Variants in PIK3CA observed in about 807,000 individuals in gnomAD.
The protein encoded by PIK3CA is phosphatidylinositol 4,5-bisphosphate 3-kinase catalytic subunit alpha isoform.
A neutral mutation model predicts 138.2 loss-of-function variants in PIK3CA; 27 were observed. The ratio of observed to expected loss-of-function variants is 0.20; its 90% CI spans 0.14 to 0.27. The LOEUF (loss-of-function observed/expected upper bound fraction) is 0.27. Among genes scored for constraint, PIK3CA ranks in the 10% least tolerant of loss-of-function variants. The pLI, the probability that PIK3CA is intolerant of heterozygous loss-of-function variation, is 1.00. For missense variants in PIK3CA, 544 were observed against 1,277.4 expected (o/e 0.43, Z 8.75); for synonymous variants, 358 against 413.2 (o/e 0.87, Z 1.62).
rs1576943264 is a variant in PIK3CA at position 179,220,011 on chromosome 3, G to A, written c.1974G>A (p.Leu658=). 6.3e-7 allele frequency: 1 copy of A among 1,599,542 alleles called. No homozygotes were observed. Reference sequence around the variant, plus strand: ...TGAGATTTTTACTGAAGAAAGCATTGACTAATCAAAGGATTGGGCACTTTT... The same window carrying A: ...TGAGATTTTTACTGAAGAAAGCATTAACTAATCAAAGGATTGGGCACTTTT... The part of the protein sequence containing the change: ...LLVRFLLKKA[L]TNQRIGHFFF... The change falls in exon 13 of 21, where the codon TTG becomes TTA. Residue 658 remains leucine (L), a synonymous_variant. Transcript: ENST00000263967. This position sits in a 1 kb window ranked among gnomAD's most constrained non-coding sequence, Gnocchi z 4.1.
At chr3:179,152,352 C>T (rs376572149) in intron 1 of PIK3CA, among the ~76,000 whole-genome samples, 6 of 152,252 alleles carry the variant, frequency 3.9e-5, no homozygotes, top group East Asian at 1.9e-4. Context: ...CATTTGGGCA[C>T]GTCTCAATCT....
intron 1 of PIK3CA, among the ~76,000 whole-genome samples, chr3:179,150,651 T>G (rs1722993057): frequency 6.6e-6 from 1 of 152,228 alleles, no homozygotes; most frequent in Non-Finnish European, 1.5e-5. Context: ...GTGGTTTTGC[T>G]TGCTCTGTGC....
At chr3:179,160,076 C>CTACA (rs904669981) in intron 1 of PIK3CA, among the ~76,000 whole-genome samples, 1 of 152,146 alleles carries the variant, frequency 6.6e-6, no homozygotes, top group Non-Finnish European at 1.5e-5. Context: ...CACGACATTA[C>CTACA]TACACACTAC....
chr3:179,153,389 C>CA lies in PIK3CA; in HGVS notation c.-77+4790dup, dbSNP rs139322036. 7.5e-3 allele frequency among the ~76,000 whole-genome samples: 1,138 copies of CA among 152,166 alleles called. 15 individuals are homozygous for CA. Among genetic ancestry groups the CA allele is most frequent in the African/African-American group, 0.026 (1,099 of 41,504 alleles). On this transcript the variant is annotated intron_variant, in intron 1 of 20. Coordinates refer to ENST00000263967, the MANE Select transcript of PIK3CA (RefSeq NM_006218.4). ...TGAAAATTTGAAATTTTATATGCTC[C>CA]AAAATCTGAAACTTCTTGAGTGCCA... is the stretch of plus-strand genomic sequence containing the variant.
intron 1 of PIK3CA, among the ~76,000 whole-genome samples, chr3:179,191,557 T>A (rs1724136100): frequency 6.6e-6 from 1 of 152,148 alleles, no homozygotes; most frequent in Non-Finnish European, 1.5e-5. Context: ...CAAAATAACT[T>A]TCTTTCTTAT....
intron 1 of PIK3CA, among the ~76,000 whole-genome samples, chr3:179,156,274 G>A (rs1025289651): frequency 1.3e-5 from 2 of 152,140 alleles, no homozygotes; most frequent in African/African-American, 2.4e-5. Flanking sequence ...ATTGCTACAG[G>A]TGTGGTCAAA....
intron 8 of PIK3CA, 30 bp downstream of exon 8, chr3:179,210,368 T>C: frequency 1.3e-6 from 2 of 1,583,506 alleles, no homozygotes; most frequent in East Asian, 2.2e-5. Flanking sequence ...AAATTAGATA[T>C]TTTTTATGGC....
intron 6 of PIK3CA, among the ~76,000 whole-genome samples, chr3:179,205,020 CAAAAAAAAAAAAAAAAAAAAAAAAA>C (rs574908621): frequency 5.6e-5 from 3 of 53,378 alleles, no homozygotes; most frequent in East Asian, 1.6e-3. Context: ...GACTCCGTCT[CAAAAAAAAAAAAAAAAAAAAAAAAA>C]AAAAAAAAAA....
chr3:179,227,837 A>G (rs777939692), intron 17 of PIK3CA, among the ~76,000 whole-genome samples: 18 of 152,036 alleles, frequency 1.2e-4, no homozygotes, highest in Admixed American at 2.6e-4. Flanking sequence ...ACCCTTGACT[A>G]AGTGTCCTAT....
At position 179,186,020 on chromosome 3, in the gene PIK3CA, G is replaced by A. The variant is rs535918002; in HGVS notation, c.-76-12730G>A. Reference sequence around the variant, plus strand: ...AGGTGGGTAGGGGGTGGAGGTAGGGGTAGGACTAAAAGCCCCAGTTCTTTA... The same window carrying A: ...AGGTGGGTAGGGGGTGGAGGTAGGGATAGGACTAAAAGCCCCAGTTCTTTA... On this transcript the variant is annotated intron_variant, in intron 1 of 20. Transcript: ENST00000263967. Among the ~76,000 whole-genome samples the A allele has an allele frequency of 2.7e-3, 407 of 152,300 alleles. 1 individual carries two copies. The highest frequency in any genetic ancestry group is 9.5e-3 in the African/African-American group (393 of 41,564).
intron 1 of PIK3CA, among the ~76,000 whole-genome samples, chr3:179,171,863 A>G (rs992110894): frequency 2.0e-5 from 3 of 152,100 alleles, no homozygotes; most frequent in Non-Finnish European, 4.4e-5. Context: ...AGGAGGGAGG[A>G]GAGCATCACA....
intron 1 of PIK3CA, among the ~76,000 whole-genome samples, chr3:179,150,579 G>T (rs1374092024): frequency 6.6e-6 from 1 of 152,124 alleles, no homozygotes; most frequent in Non-Finnish European, 1.5e-5. Flanking sequence ...CTGAAAAATG[G>T]CTTCATGGAA....
At chr3:179,203,434 T>C in intron 4 of PIK3CA, 110 bp from the exon 5 acceptor site, 1 of 1,015,396 alleles carries the variant, frequency 9.8e-7, no homozygotes, top group Non-Finnish European at 1.4e-6. Flanking sequence ...TCTATAATGT[T>C]TAATTTTTTA....
chr3:179,184,197 C>A lies in PIK3CA; in HGVS notation c.-76-14553C>A, dbSNP rs745517982. On this transcript the variant is annotated intron_variant, in intron 1 of 20. Transcript: ENST00000263967. ...CTGCTGCAAAGCAAATTGGTGGAGT[C>A]CATTTACACCTTCTCCTTAGCCTAT... Among the ~76,000 whole-genome samples the A allele has an allele frequency of 5.9e-5, 9 of 152,210 alleles. No individual in the cohort carries two copies. The South Asian group carries it at 6.2e-4, about 11-fold the overall frequency.
At chr3:179,187,241 G>A (rs1724005158) in intron 1 of PIK3CA, among the ~76,000 whole-genome samples, 1 of 151,818 alleles carries the variant, frequency 6.6e-6, no homozygotes, top group Non-Finnish European at 1.5e-5. Flanking sequence ...TGATCCAGTA[G>A]ATAAGAGAAA....
rs1425290574 is a variant in PIK3CA, at chr3:179,219,704, A to G, written c.1880A>G (p.Lys627Arg). Reference sequence around the variant, plus strand: ...TTGGAAAAATATTTAACAGATGACAAACTTTCTCAGTATTTAATTCAGCTA... The same window carrying G: ...TTGGAAAAATATTTAACAGATGACAGACTTTCTCAGTATTTAATTCAGCTA... ...RCLEKYLTDD[K>R]LSQYLIQLVQ... Residue 627 changes from lysine (K) to arginine (R), a missense_variant, in exon 12 of 21, where the codon AAA becomes AGA. Physicochemically the swap from Lys to Arg is conservative, Grantham distance 26. This residue lies in a region of PIK3CA where 22 missense variants were observed against 30.5 expected (regional missense o/e 0.72). Transcript: ENST00000263967. The surrounding 1 kb of genome is among the most constrained non-coding windows in gnomAD (Gnocchi z 4.2). 8.7e-6 allele frequency: 14 copies of G among 1,608,598 alleles called. No individual in the cohort carries two copies.
In PIK3CA at chr3:179,192,260, A is replaced by G. The variant is rs113286893; in HGVS notation, c.-76-6490A>G. On this transcript the variant is annotated intron_variant, in intron 1 of 20. Transcript: ENST00000263967. ...TGAAGGAATTGGTGGAAAAAGACCC[A>G]GGGGAAATTCTAATAGCTTTCAAGT... Among the ~76,000 whole-genome samples, 204 of 152,356 alleles carry G rather than the reference A, an allele frequency of 1.3e-3. 3 individuals are homozygous for G. The highest frequency in any genetic ancestry group is 4.5e-3 in the African/African-American group (186 of 41,588).
intron 6 of PIK3CA, 67 bp from the exon 7 acceptor site, chr3:179,209,528 G>A: frequency 2.4e-6 from 2 of 826,900 alleles, no homozygotes; most frequent in Non-Finnish European, 3.7e-6. Context: ...TGATTTGTAG[G>A]AGTCATTTAT....
rs1725370638 is a variant in PIK3CA, at chr3:179,238,313, C to T, written c.*3949C>T. The T allele has an allele frequency of 4.6e-6, 1 of 215,510 alleles. No individual in the cohort carries two copies. Among genetic ancestry groups the T allele is most frequent in the South Asian group, 1.9e-4 (1 of 5,342 alleles). The allele number at this position is 215,510 out of a possible 1,614,324, so 13.3% of individuals were successfully genotyped here. A position where few individuals can be genotyped will look rare whatever the true frequency, so the allele number is the denominator to read the frequency against. On this transcript the variant is annotated 3_prime_UTR_variant, in exon 21 of 21. Transcript: ENST00000263967. ...GCTGGGCTGTTTTTTAAAATATAAA[C>T]AATACCATTTTTAATTATTACATTA...
Sources: gnomAD v4.1 joint callset for allele counts (sites outside exome capture counted in the v4.1 genomes callset) on GRCh38, gnomAD v4.1.1 for gene constraint, gnomAD v4.1.1 regional missense constraint, Gnocchi (gnomAD v3.1) non-coding constraint, MANE v1.5 for transcripts, NCBI Gene and HGNC (gene_info 2026-07-23, HGNC 2026-07-21) for gene names.